The following MOB1A variants were observed in gnomAD, a reference collection of about 807,000 sequenced individuals.
The protein encoded by MOB1A is MOB kinase activator 1A.
Under a neutral mutation model 25.1 loss-of-function variants are expected in MOB1A, and 10 were observed. That is an observed-to-expected ratio of 0.40 (90% CI 0.25 to 0.68). The LOEUF is 0.68. Ranked by LOEUF, MOB1A falls within the 30% of genes least tolerant of loss-of-function variation. The pLI, the probability that MOB1A is intolerant of heterozygous loss-of-function variation, is 0.40. For synonymous variants in MOB1A, 81 were observed against 79.5 expected, an observed-to-expected ratio of 1.02 and a Z score of -0.10; for missense variants, 177 against 256.3, an observed-to-expected ratio of 0.69 and a Z score of 2.11.
Position 74,165,198 on chromosome 2 carries a change from C to T in MOB1A, c.409+20G>A, listed in dbSNP as rs894299733. 6.1e-5 allele frequency: 91 copies of T among 1,484,778 alleles called. No individual in the cohort carries two copies. Among genetic ancestry groups the T allele is most frequent in the Admixed American group, 1.5e-4 (6 of 40,042 alleles). The allele number at this position is 1,484,778 out of a possible 1,614,324, so 92.0% of individuals were successfully genotyped here. A position where few individuals can be genotyped will look rare whatever the true frequency, so the allele number is the denominator to read the frequency against. On this transcript the variant is annotated intron_variant, in intron 4 of 5. Transcript: ENST00000396049. ...TAAAATTTTAAAAAAAGAAAGAATA[C>T]TTCGACAATGTTAACTCACCAATCT...
chr2:74,169,953 C>G (rs915700753), intron 2 of MOB1A, among the ~76,000 whole-genome samples: 1 of 151,404 alleles, frequency 6.6e-6, no homozygotes, highest in Admixed American at 6.6e-5. Flanking sequence ...TTAATTAACA[C>G]AGAATGGTAC....
Position 74,159,241 on chromosome 2 carries a change from G to A in MOB1A, c.423C>T (p.Pro141=), listed in dbSNP as rs1558830937. ...LFPSKIGVPF[P]KNFMSVAKTI... ...TCTTTGCCACAGACATAAAGTTTTT[G>A]GGAAATGGGACACCTGCAATTAAAT... The change falls in exon 5 of 6, where the codon CCC becomes CCT. Residue 141 remains proline, a synonymous_variant. Coordinates refer to ENST00000396049, the MANE Select transcript of MOB1A (RefSeq NM_018221.5). 1.9e-6 allele frequency: 3 copies of A among 1,612,834 alleles called. No homozygotes were observed. In the African/African-American group the frequency reaches 4.0e-5, roughly 22 times the overall value.
At chr2:74,158,006 A>G (rs1156905357) in intron 5 of MOB1A, among the ~76,000 whole-genome samples, 1 of 151,808 alleles carries the variant, frequency 6.6e-6, no homozygotes, top group Admixed American at 6.6e-5. Flanking sequence ...ACATGGTGAA[A>G]CCCCATTTCT....
chr2:74,175,388 A>G (rs769360015), intron 1 of MOB1A, among the ~76,000 whole-genome samples: 1 of 152,144 alleles, frequency 6.6e-6, no homozygotes, highest in African/African-American at 2.4e-5. Flanking sequence ...CATCTCCCCA[A>G]CCAGATCTGT....
At chr2:74,173,424 A>G (rs1227419423) in intron 1 of MOB1A, among the ~76,000 whole-genome samples, 2 of 119,202 alleles carry the variant, frequency 1.7e-5, no homozygotes, top group Non-Finnish European at 3.2e-5. Context: ...TCTGTCACCC[A>G]GGCTGGAATG....
chr2:74,170,235 G>A (rs576643451), intron 2 of MOB1A, among the ~76,000 whole-genome samples: 33 of 151,090 alleles, frequency 2.2e-4, no homozygotes, highest in African/African-American at 7.8e-4. Flanking sequence ...TCCACCTCCC[G>A]GGAAGTGATT....
chr2:74,178,623 G>A, intron 1 of MOB1A, 38 bp downstream of exon 1: 1 of 1,374,882 alleles, frequency 7.3e-7, no homozygotes. Flanking sequence ...CACAACCTCG[G>A]CCCGCAGGCC....
chr2:74,172,394 C>G (rs544572548), intron 2 of MOB1A, among the ~76,000 whole-genome samples, 192 bp downstream of exon 2: 1 of 152,334 alleles, frequency 6.6e-6, no homozygotes, highest in African/African-American at 2.4e-5. Context: ...TCAGCTCCCT[C>G]TACTCAACCT....
chr2:74,176,083 T>TAAACACACACACACACACACAC, intron 1 of MOB1A, among the ~76,000 whole-genome samples: 1 of 129,320 alleles, frequency 7.7e-6, no homozygotes, highest in African/African-American at 3.1e-5. Context: ...CCGCCTCTAC[T>TAAACACACACACACACACACAC]ACACACACAC....
intron 2 of MOB1A, among the ~76,000 whole-genome samples, chr2:74,171,335 G>A (rs1693290163): frequency 6.6e-6 from 1 of 151,880 alleles, no homozygotes; most frequent in South Asian, 2.1e-4. Flanking sequence ...ACATTTATGG[G>A]ACAGTCATGA....
intron 4 of MOB1A, among the ~76,000 whole-genome samples, chr2:74,163,004 G>C (rs576116362): frequency 6.6e-6 from 1 of 152,214 alleles, no homozygotes; most frequent in African/African-American, 2.4e-5. Context: ...AATATAAATG[G>C]TGGATATTTT....
At chr2:74,169,480 C>G (rs1012593551) in intron 2 of MOB1A, among the ~76,000 whole-genome samples, 2 of 152,222 alleles carry the variant, frequency 1.3e-5, no homozygotes, top group East Asian at 3.9e-4. Flanking sequence ...GCCTGGGCGA[C>G]AGGGCGATAC....
chr2:74,173,810 G>A (rs1392117477), intron 1 of MOB1A, among the ~76,000 whole-genome samples: 3 of 151,084 alleles, frequency 2.0e-5, no homozygotes, highest in South Asian at 2.1e-4. Context: ...TTAGCCGGGC[G>A]TGGTGGAGGG....
intron 3 of MOB1A, among the ~76,000 whole-genome samples, chr2:74,166,292 A>G (rs1693126442): frequency 6.6e-6 from 1 of 152,200 alleles, no homozygotes; most frequent in Non-Finnish European, 1.5e-5. Context: ...TGCTTTAAAT[A>G]CTAAATAAGC....
chr2:74,170,622 C>G (rs1348364830), intron 2 of MOB1A, among the ~76,000 whole-genome samples: 1 of 149,884 alleles, frequency 6.7e-6, no homozygotes, highest in African/African-American at 2.5e-5. Flanking sequence ...GTAGTCCCAG[C>G]TACTCAGGAG....
rs778265670 is a variant in MOB1A at position 74,172,835 on chromosome 2, G to A, written c.15-83C>T. On this transcript the variant is annotated intron_variant, in intron 1 of 5. Coordinates refer to ENST00000396049, the MANE Select transcript of MOB1A (RefSeq NM_018221.5). The stretch of plus-strand genomic sequence containing the variant: ...AACAACATAATTTTAGGTATATAAA[G>A]TAGCCTGTAAAAATAAAATAAAAAA... 2.2e-6 allele frequency: 3 copies of A among 1,376,806 alleles called. No homozygotes were observed. In the South Asian group the frequency reaches 3.7e-5, roughly 17 times the overall value. The allele number at this position is 1,376,806 out of a possible 1,614,324, so 85.3% of individuals were successfully genotyped here.
chr2:74,161,065 A>G (rs938051087), intron 4 of MOB1A, among the ~76,000 whole-genome samples: 1 of 152,198 alleles, frequency 6.6e-6, no homozygotes. Context: ...ATCTCAAAAA[A>G]TAAAAATAAA....
In MOB1A at chr2:74,155,138, C is replaced by CTTAA. The variant is rs1367185484; in HGVS notation, c.*1426_*1429dup. 6.6e-6 allele frequency: 1 copy of CTTAA among 152,380 alleles called. No homozygotes were observed. The highest frequency in any genetic ancestry group is 1.5e-5 in the Non-Finnish European group (1 of 68,020). The allele number at this position is 152,380 out of a possible 1,614,324, so 9.4% of individuals were successfully genotyped here. On this transcript the variant is annotated 3_prime_UTR_variant, in exon 6 of 6. Transcript: ENST00000396049. ...CTGAACCACATAGAATGCTGATGAA[C>CTTAA]TTAAAGCTTTGCCAGTTTGGCAAGT...
At chr2:74,163,261 T>G (rs1287010277) in intron 4 of MOB1A, among the ~76,000 whole-genome samples, 1 of 152,154 alleles carries the variant, frequency 6.6e-6, no homozygotes, top group Non-Finnish European at 1.5e-5. Context: ...TATGACACAG[T>G]TGTATACTTT....
Sources: allele counts gnomAD v4.1 joint callset (sites outside exome capture counted in the v4.1 genomes callset), GRCh38; gene constraint gnomAD v4.1.1; transcripts MANE v1.5; gene names NCBI Gene and HGNC (gene_info 2026-07-23, HGNC 2026-07-21).